The following PIK3C2G variants were observed in gnomAD, a reference collection of about 807,000 sequenced individuals.
PIK3C2G encodes the protein phosphatidylinositol-4-phosphate 3-kinase catalytic subunit type 2 gamma.
A neutral mutation model predicts 181.1 loss-of-function variants in PIK3C2G; 168 were observed. The observed-to-expected ratio is 0.93, with a 90% CI of 0.82 to 1.05. The LOEUF is 1.05. Among genes scored for constraint, PIK3C2G ranks in the 50% least tolerant of loss-of-function variants. PIK3C2G has a pLI of 0.00. For synonymous variants in PIK3C2G, 573 were observed against 592.2 expected (o/e 0.97, Z 0.47); for missense variants, 1,869 against 1,732.8 (o/e 1.08, Z -1.40).
intron 6 of PIK3C2G, among the ~76,000 whole-genome samples, 171 bp downstream of exon 6, chr12:18,314,235 T>G (rs1950764085): frequency 6.6e-6 from 1 of 152,128 alleles, no homozygotes; most frequent in Non-Finnish European, 1.5e-5. Context: ...TAAATACCTG[T>G]TAATGATTTG....
intron 18 of PIK3C2G, among the ~76,000 whole-genome samples, chr12:18,478,071 G>A (rs1356496641): frequency 6.6e-6 from 1 of 152,036 alleles, no homozygotes; most frequent in Non-Finnish European, 1.5e-5. Context: ...TTATGAAAAA[G>A]ATGCTTACAT....
chr12:18,519,794 G>A (rs182583542), intron 24 of PIK3C2G, among the ~76,000 whole-genome samples: 45 of 152,064 alleles, frequency 3.0e-4, no homozygotes, highest in African/African-American at 1.1e-3. Flanking sequence ...ACTAGTTGCT[G>A]CAGTTTCTTC....
At chr12:18,279,408 A>G (rs1324120761) in intron 1 of PIK3C2G, among the ~76,000 whole-genome samples, 1 of 152,000 alleles carries the variant, frequency 6.6e-6, no homozygotes, top group African/African-American at 2.4e-5. Flanking sequence ...CGTCCAGCCT[A>G]AAGAAATCTT....
chr12:18,725,081 A>T, the PIK3C2G span, among the ~76,000 whole-genome samples: 1 of 152,162 alleles, frequency 6.6e-6, no homozygotes. Context: ...AAGAATCACT[A>T]TAGTTGATCA....
chr12:18,259,397 G>C (rs1948180943), upstream of PIK3C2G, among the ~76,000 whole-genome samples: 1 of 152,116 alleles, frequency 6.6e-6, no homozygotes, highest in Non-Finnish European at 1.5e-5. Context: ...ACTCTGCTAA[G>C]TTCTACCTAC....
chr12:18,401,548 TTAAC>T (rs1944250511), intron 16 of PIK3C2G, among the ~76,000 whole-genome samples: 1 of 152,142 alleles, frequency 6.6e-6, no homozygotes, highest in Non-Finnish European at 1.5e-5. Flanking sequence ...CTTGAGTTGA[TTAAC>T]TAATAGAGAA....
chr12:18,247,675 C>A (rs549536040), exon 1 of PIK3C2G: 1 of 152,236 alleles, frequency 6.6e-6, no homozygotes, highest in South Asian at 2.1e-4. Context: ...AATGGACTTT[C>A]CAGTTGATCA....
chr12:18,519,213 G>C (rs1942751688), intron 24 of PIK3C2G, among the ~76,000 whole-genome samples: 1 of 152,184 alleles, frequency 6.6e-6, no homozygotes, highest in African/African-American at 2.4e-5. Flanking sequence ...CTGTTGATCT[G>C]GGGTGGAGAG....
chr12:18,545,561 TA>T (rs147846303), intron 25 of PIK3C2G, among the ~76,000 whole-genome samples: 6 of 151,638 alleles, frequency 4.0e-5, no homozygotes, highest in Non-Finnish European at 5.9e-5. Context: ...TTATTTTCTT[TA>T]AAAAAAAGTA....
intron 25 of PIK3C2G, among the ~76,000 whole-genome samples, chr12:18,540,871 AC>A (rs1944115063): frequency 6.6e-6 from 1 of 151,836 alleles, no homozygotes; most frequent in Non-Finnish European, 1.5e-5. Context: ...CTGTGTTATT[AC>A]CTCAGTTTCT....
intron 18 of PIK3C2G, among the ~76,000 whole-genome samples, chr12:18,464,619 G>A (rs1249548066): frequency 6.6e-6 from 1 of 151,686 alleles, no homozygotes; most frequent in Non-Finnish European, 1.5e-5. Context: ...CACTTTTTTT[G>A]TATGACCTTA....
the PIK3C2G span, chr12:18,684,056 G>A: frequency 5.3e-6 from 8 of 1,514,694 alleles, no homozygotes; most frequent in African/African-American, 9.6e-5. Flanking sequence ...TATTTGGTAT[G>A]TCAAAATGTG....
chr12:18,692,712 A>G, the PIK3C2G span: 1 of 785,994 alleles, frequency 1.3e-6, no homozygotes, highest in Non-Finnish European at 2.1e-6. Context: ...ACAGACTTTG[A>G]ATCATCAACA....
At chr12:18,574,913 A>G (rs952395595) in intron 29 of PIK3C2G, among the ~76,000 whole-genome samples, 1 of 152,206 alleles carries the variant, frequency 6.6e-6, no homozygotes, top group African/African-American at 2.4e-5. Flanking sequence ...ATCAGTACAT[A>G]TAAAAAAAAC....
At chr12:18,628,861 G>T (rs1040340259) in intron 31 of PIK3C2G, among the ~76,000 whole-genome samples, 2 of 152,112 alleles carry the variant, frequency 1.3e-5, no homozygotes, top group African/African-American at 4.8e-5. Context: ...GGAGGCTGAG[G>T]CAGGAGGATT....
chr12:18,463,684 T>C (rs1948040998), intron 18 of PIK3C2G, among the ~76,000 whole-genome samples: 1 of 152,202 alleles, frequency 6.6e-6, no homozygotes, highest in Non-Finnish European at 1.5e-5. Context: ...TTTGTGTTCA[T>C]GTAATCACAC....
the PIK3C2G span, chr12:18,701,747 A>G: frequency 1.2e-4 from 199 of 1,608,058 alleles, no homozygotes; most frequent in Admixed American, 6.7e-5. Flanking sequence ...CTATTTTCTT[A>G]TTTTTAACTA....
the PIK3C2G span, among the ~76,000 whole-genome samples, chr12:18,685,100 C>T: frequency 2.0e-5 from 3 of 152,014 alleles, no homozygotes; most frequent in South Asian, 4.1e-4. Flanking sequence ...TGAAAATGGA[C>T]TAATACAGTC....
rs1020565642 is a variant in PIK3C2G, at chr12:18,601,288, A to T, written c.4087+6719A>T. 3.3e-4 allele frequency among the ~76,000 whole-genome samples: 40 copies of T among 121,652 alleles called. No homozygotes were observed. In the East Asian group the frequency reaches 4.4e-3, roughly 13 times the overall value. The allele number at this position is 121,652 out of a possible 152,430, so 79.8% of individuals were successfully genotyped here. On this transcript the variant is annotated intron_variant, in intron 30 of 32. Transcript: ENST00000538779. ...CAAAACAACCAATAAAATAAAAATT[A>T]AAAAAAAAAAAATCCTGTCATTTGT...
Sources: allele counts gnomAD v4.1 joint callset (sites outside exome capture counted in the v4.1 genomes callset), GRCh38; gene constraint gnomAD v4.1.1; transcripts MANE v1.5; gene names NCBI Gene and HGNC (gene_info 2026-07-23, HGNC 2026-07-21).